Variants in PDE3B observed in about 807,000 individuals in gnomAD.
PDE3B encodes the protein phosphodiesterase 3B, also known as cGMP-inhibited 3',5'-cyclic phosphodiesterase 3B.
A neutral mutation model predicts 116.8 loss-of-function variants in PDE3B; 66 were observed. The ratio of observed to expected loss-of-function variants is 0.56; its 90% CI spans 0.46 to 0.69. The LOEUF is 0.69. Ranked by LOEUF, PDE3B falls within the 30% of genes least tolerant of loss-of-function variation. The pLI, the probability that PDE3B is intolerant of heterozygous loss-of-function variation, is 0.00. For synonymous variants in PDE3B, 595 were observed against 533.6 expected (o/e 1.12, Z -1.59); for missense variants, 1,384 against 1,368.1 (o/e 1.01, Z -0.18).
intron 1 of PDE3B, among the ~76,000 whole-genome samples, chr11:14,694,229 GACA>G (rs966974743): frequency 1.2e-4 from 19 of 152,186 alleles, no homozygotes; most frequent in African/African-American, 4.6e-4. Flanking sequence ...TTGTTGAAAT[GACA>G]ACAATGGGTT....
At chr11:14,862,723 G>A (rs1477473059) in intron 14 of PDE3B, among the ~76,000 whole-genome samples, 6 of 152,062 alleles carry the variant, frequency 3.9e-5, no homozygotes, top group South Asian at 2.1e-4. Flanking sequence ...ACAGGTGCAC[G>A]CCACCATGCC....
chr11:14,663,372 C>T (rs1194636718), intron 1 of PDE3B, among the ~76,000 whole-genome samples: 1 of 152,170 alleles, frequency 6.6e-6, no homozygotes, highest in Non-Finnish European at 1.5e-5. Flanking sequence ...TTGTAAAGAC[C>T]ATCAAGGCTA....
At chr11:14,801,749 C>G (rs576156921) in intron 4 of PDE3B, among the ~76,000 whole-genome samples, 3 of 152,222 alleles carry the variant, frequency 2.0e-5, no homozygotes, top group African/African-American at 7.2e-5. Context: ...CCCCTTCCCC[C>G]AGGTGCTCTG....
At chr11:14,667,156 T>C (rs1448654798) in intron 1 of PDE3B, among the ~76,000 whole-genome samples, 5 of 150,860 alleles carry the variant, frequency 3.3e-5, no homozygotes. Flanking sequence ...AAATTGGAAA[T>C]CATCATTCCC....
chr11:14,664,129 A>C lies in PDE3B; in HGVS notation c.978+19076A>C, dbSNP rs1854039254. ...TAAGAATCTCACTCAAAACCGCTCAACTATATGGAAACTGAACAACCTGCT... is the reference window on the plus strand; with the variant it reads ...TAAGAATCTCACTCAAAACCGCTCACCTATATGGAAACTGAACAACCTGCT... On this transcript the variant is annotated intron_variant, in intron 1 of 15. Coordinates refer to ENST00000282096, the MANE Select transcript of PDE3B (RefSeq NM_000922.4). Among the ~76,000 whole-genome samples the C allele has an allele frequency of 5.3e-5, 8 of 152,236 alleles. No homozygotes were observed. The South Asian group carries it at 1.7e-3, about 32-fold the overall frequency.
chr11:14,768,651 A>G (rs1857559683), intron 1 of PDE3B, among the ~76,000 whole-genome samples: 1 of 151,438 alleles, frequency 6.6e-6, no homozygotes, highest in South Asian at 2.1e-4. Context: ...TTGCTACCCT[A>G]AGCTGCACAG....
intron 12 of PDE3B, among the ~76,000 whole-genome samples, chr11:14,848,469 G>C (rs1401636189): frequency 6.6e-6 from 1 of 151,722 alleles, no homozygotes. Flanking sequence ...ATTCAACATA[G>C]TGTTGGAAGT....
chr11:14,738,381 T>A (rs1201269772), intron 1 of PDE3B, among the ~76,000 whole-genome samples: 1 of 152,232 alleles, frequency 6.6e-6, no homozygotes, highest in Non-Finnish European at 1.5e-5. Flanking sequence ...GATGATGAGC[T>A]TTCTGTCATA....
At chr11:14,694,245 C>T (rs1476198743) in intron 1 of PDE3B, among the ~76,000 whole-genome samples, 2 of 152,132 alleles carry the variant, frequency 1.3e-5, no homozygotes, top group Non-Finnish European at 2.9e-5. Context: ...AATGGGTTTA[C>T]ATAAACTTAG....
intron 1 of PDE3B, among the ~76,000 whole-genome samples, chr11:14,684,699 C>T (rs750063348): frequency 3.3e-5 from 5 of 152,098 alleles, no homozygotes; most frequent in Admixed American, 1.3e-4. Context: ...TGCAGAGCAG[C>T]GTTTATAGAC....
Position 14,690,930 on chromosome 11 carries a change from A to G in PDE3B, c.978+45877A>G, listed in dbSNP as rs541469186. Among the ~76,000 whole-genome samples, 27 of 152,232 alleles carry G rather than the reference A, an allele frequency of 1.8e-4. 1 individual carries two copies. In the East Asian group the frequency reaches 5.0e-3, roughly 28 times the overall value. On this transcript the variant is annotated intron_variant, in intron 1 of 15. Transcript: ENST00000282096. ...GCAAGGTCCAGGGAAGTTTTTTTGTATGTGTGCATGCTTCAAAGGTAGGTG... is the reference window on the plus strand; with the variant it reads ...GCAAGGTCCAGGGAAGTTTTTTTGTGTGTGTGCATGCTTCAAAGGTAGGTG...
At chr11:14,712,582 C>G (rs915037462) in intron 1 of PDE3B, among the ~76,000 whole-genome samples, 1 of 139,146 alleles carries the variant, frequency 7.2e-6, no homozygotes, top group Non-Finnish European at 1.5e-5. Context: ...TCAAGTGATT[C>G]TCCTGCCTCA....
chr11:14,660,942 G>C (rs1853884222), intron 1 of PDE3B, among the ~76,000 whole-genome samples: 1 of 152,192 alleles, frequency 6.6e-6, no homozygotes, highest in Non-Finnish European at 1.5e-5. Context: ...CTGGCCATCA[G>C]AGAAATGCAA....
chr11:14,730,931 T>A (rs117526525), intron 1 of PDE3B, among the ~76,000 whole-genome samples: 2,126 of 152,282 alleles, frequency 0.014, 27 homozygotes, highest in Non-Finnish European at 0.024. Flanking sequence ...AGAGGTTAAG[T>A]AGCTCAAGAC....
chr11:14,834,957 C>T (rs1860008760), intron 10 of PDE3B, 25 bp from the exon 11 acceptor site: 2 of 1,381,848 alleles, frequency 1.4e-6, no homozygotes, highest in Non-Finnish European at 2.0e-6. Context: ...TTAAACCTAA[C>T]AGAAAAACGT....
the PDE3B span, chr11:14,892,365 C>T: frequency 8.6e-5 from 59 of 688,414 alleles, no homozygotes; most frequent in African/African-American, 9.7e-4. Flanking sequence ...GGACAACTAC[C>T]TTCTAGTTTT....
chr11:14,669,201 G>A (rs1854287551), intron 1 of PDE3B, among the ~76,000 whole-genome samples: 1 of 152,146 alleles, frequency 6.6e-6, no homozygotes. Flanking sequence ...CCGTGGCTCT[G>A]GTAGTAGAGG....
chr11:14,822,312 A>G (rs575869756), intron 7 of PDE3B, among the ~76,000 whole-genome samples: 2 of 152,240 alleles, frequency 1.3e-5, no homozygotes, highest in Non-Finnish European at 2.9e-5. Context: ...AGGCTGGCCA[A>G]AATGGCCAAC....
At chr11:14,655,991 A>C (rs80085393) in intron 1 of PDE3B, among the ~76,000 whole-genome samples, 3,177 of 152,216 alleles carry the variant, frequency 0.021, 113 homozygotes, top group African/African-American at 0.073. Flanking sequence ...CATTTTCTTT[A>C]TTTAGTTTAG....
Sources: allele counts gnomAD v4.1 joint callset (sites outside exome capture counted in the v4.1 genomes callset), GRCh38; gene constraint gnomAD v4.1.1; transcripts MANE v1.5; gene names NCBI Gene and HGNC (gene_info 2026-07-23, HGNC 2026-07-21).